Variants in CBR3 observed in about 807,000 individuals in gnomAD.
The protein encoded by CBR3 is carbonyl reductase [NADPH] 3.
A neutral mutation model predicts 11.6 loss-of-function variants in CBR3; 14 were observed. The ratio of observed to expected loss-of-function variants is 1.20; its 90% confidence interval spans 0.79 to 1.88. The LOEUF is 1.88. Among genes scored for constraint, CBR3 ranks in the 40% most tolerant of loss-of-function variants. The pLI is 0.00. For synonymous variants in CBR3, 125 were observed against 145.6 expected (o/e 0.86, Z 1.02); for missense variants, 308 against 357.3 (o/e 0.86, Z 1.11).
chr21:36,139,881 CTTTTT>C (rs10689993), intron 2 of CBR3, among the ~76,000 whole-genome samples: 15 of 89,866 alleles, frequency 1.7e-4, no homozygotes, highest in Admixed American at 1.6e-4. Context: ...GATGCAAAAC[CTTTTT>C]TTTTTTTTTT....
At position 36,146,229 on chromosome 21, in the gene CBR3, A is replaced by G. The variant is rs1375700223; in HGVS notation, c.551A>G (p.His184Arg). 2 of 1,614,192 alleles carry G rather than the reference A, an allele frequency of 1.2e-6. No homozygotes were observed. Among genetic ancestry groups the G allele is most frequent in the East Asian group, 4.5e-5 (2 of 44,880 alleles). The change falls in exon 3 of 3, where the codon CAT (histidine) becomes CGT (arginine). Residue 184 changes from histidine to arginine, a missense_variant. By Grantham distance (29) the His-to-Arg change is conservative. Coordinates refer to ENST00000290354, the MANE Select transcript of CBR3 (RefSeq NM_001236.4). ...KFVEDTKNEV[H>R]EREGWPNSPY... ...GTGGAGGACACAAAAAATGAGGTGC[A>G]TGAGAGGGAAGGCTGGCCCAACTCA...
chr21:36,138,080 G>C, intron 2 of CBR3, 148 bp downstream of exon 2: 2 of 614,644 alleles, frequency 3.3e-6, no homozygotes, highest in Admixed American at 5.7e-5. Flanking sequence ...TTTTCCCACA[G>C]TGTTTGGCTT....
intron 2 of CBR3, among the ~76,000 whole-genome samples, chr21:36,143,169 G>A (rs2065726921): frequency 6.6e-6 from 1 of 152,016 alleles, no homozygotes; most frequent in South Asian, 2.1e-4. Flanking sequence ...GCTGGGCATG[G>A]TGGCGCACAC....
chr21:36,142,436 A>AAAAACAAAAAAAAAC lies in CBR3; in HGVS notation c.398-3636_398-3635insCAAAAAAAAACAAAA, dbSNP rs71311085. 1.7e-5 allele frequency among the ~76,000 whole-genome samples: 2 copies of AAAAACAAAAAAAAAC among 119,628 alleles called. 1 individual carries two copies. The highest frequency in any genetic ancestry group is 5.6e-4 in the East Asian group (2 of 3,598). 78.5% of individuals were successfully genotyped at this position (119,628 alleles called of 152,430 possible). On this transcript the variant is annotated intron_variant, in intron 2 of 2. Transcript: ENST00000290354. ...GACAGAGCGAGACTCCATCTCAAAA[A>AAAAACAAAAAAAAAC]AAAAAAAAAAAACGCAATCCATGAT...
At chr21:36,139,382 C>CTTTTTTTTT in intron 2 of CBR3, among the ~76,000 whole-genome samples, 1 of 126,682 alleles carries the variant, frequency 7.9e-6, no homozygotes, top group Non-Finnish European at 1.6e-5. Flanking sequence ...CTTGCTTTTT[C>CTTTTTTTTT]TTTTTTTTTT....
intron 2 of CBR3, among the ~76,000 whole-genome samples, chr21:36,140,771 G>T (rs979396335): frequency 6.6e-6 from 1 of 152,036 alleles, no homozygotes; most frequent in Non-Finnish European, 1.5e-5. Flanking sequence ...ACTTTGGGAG[G>T]CCAAGGCAGG....
intron 2 of CBR3, among the ~76,000 whole-genome samples, chr21:36,144,226 G>T (rs1046170637): frequency 6.6e-6 from 1 of 152,176 alleles, no homozygotes; most frequent in Admixed American, 6.6e-5. Flanking sequence ...GGAGGCCAAA[G>T]CGGGCGGATC....
rs139015776 is a variant in CBR3, at chr21:36,146,081, G to T, written c.403G>T (p.Val135Leu). The T allele has an allele frequency of 1.2e-5, 19 of 1,606,792 alleles. No individual in the cohort carries two copies. The highest frequency in any genetic ancestry group is 1.7e-5 in the Admixed American group (1 of 59,846). The change falls in exon 3 of 3, where the codon GTG becomes TTG. Residue 135 changes from valine to leucine, a missense_variant. By Grantham distance (32) the Val-to-Leu change is conservative (BLOSUM62 1). Transcript: ENST00000290354. ...TATTTATCATTCTGTTTCAGGGAGA[G>T]TGGTGAATATCAGTAGTTTGCAGTG... ...LLPIMKPHGR[V>L]VNISSLQCLR... is the part of the protein sequence containing the mutation.
In CBR3 at chr21:36,146,101, G is replaced by A. The variant is rs775625890; in HGVS notation, c.423G>A (p.Leu141=). The A allele has an allele frequency of 6.2e-7, 1 of 1,612,946 alleles. No homozygotes were observed. Among genetic ancestry groups the A allele is most frequent in the Non-Finnish European group, 8.5e-7 (1 of 1,179,200 alleles). Residue 141 remains leucine (L), a synonymous_variant, in exon 3 of 3, where the codon TTG becomes TTA. Transcript: ENST00000290354. The part of the protein sequence containing the change: ...PHGRVVNISS[L]QCLRAFENCS... Reference sequence around the variant, plus strand: ...GGAGAGTGGTGAATATCAGTAGTTTGCAGTGTTTAAGGGCTTTTGAAAACT... The same window carrying A: ...GGAGAGTGGTGAATATCAGTAGTTTACAGTGTTTAAGGGCTTTTGAAAACT...
At chr21:36,141,007 CAAAAAAAAAAA>C (rs1217520274) in intron 2 of CBR3, among the ~76,000 whole-genome samples, 2 of 56,226 alleles carry the variant, frequency 3.6e-5, no homozygotes, top group East Asian at 4.7e-4. Flanking sequence ...CACTCCATCT[CAAAAAAAAAAA>C]AAAAAAAAGA....
At position 36,135,140 on chromosome 21, in the gene CBR3, G is replaced by A; in HGVS notation, c.-53G>A. 2 of 1,409,292 alleles carry A rather than the reference G, an allele frequency of 1.4e-6. No individual in the cohort carries two copies. The highest frequency in any genetic ancestry group is 3.1e-5 in the Admixed American group (1 of 31,988). The allele number at this position is 1,409,292 out of a possible 1,614,324, so 87.3% of individuals were successfully genotyped here. A position where few individuals can be genotyped will look rare whatever the true frequency, so the allele number is the denominator to read the frequency against. On this transcript the variant is annotated 5_prime_UTR_variant, in exon 1 of 3. Coordinates refer to ENST00000290354, the MANE Select transcript of CBR3 (RefSeq NM_001236.4). The stretch of plus-strand genomic sequence containing the variant: ...GGCTCCTCGGGGCGCGCCCCAGGTG[G>A]TCCGAAGCCCGGTCCGCCCTCCACG...
intron 2 of CBR3, 89 bp downstream of exon 2, chr21:36,138,021 AC>A (rs2123339248): frequency 1.4e-6 from 1 of 717,352 alleles, no homozygotes; most frequent in East Asian, 2.5e-5. Flanking sequence ...TGCAGAAATC[AC>A]TCAGGGGTGC....
Position 36,141,856 on chromosome 21 carries a change from C to T in CBR3, c.397+3924C>T, listed in dbSNP as rs181555498. On this transcript the variant is annotated intron_variant, in intron 2 of 2. Coordinates refer to ENST00000290354, the MANE Select transcript of CBR3 (RefSeq NM_001236.4). ...CTCCCCTTAAGAGGATTTATTTCCTCGAAGGCACAGCTTCTATGATCTGTG... is the reference window on the plus strand; with the variant it reads ...CTCCCCTTAAGAGGATTTATTTCCTTGAAGGCACAGCTTCTATGATCTGTG... The T allele has an allele frequency of 5.7e-6, 5 of 884,564 alleles. No individual in the cohort carries two copies. In the African/African-American group the frequency reaches 7.2e-5, roughly 13 times the overall value. The allele number at this position is 884,564 out of a possible 1,614,324, so 54.8% of individuals were successfully genotyped here. A position where few individuals can be genotyped will look rare whatever the true frequency, so the allele number is the denominator to read the frequency against.
At chr21:36,138,136 T>TAG (rs61578443) in intron 2 of CBR3, among the ~76,000 whole-genome samples, 318 of 149,968 alleles carry the variant, frequency 2.1e-3, no homozygotes, top group African/African-American at 5.9e-3. Context: ...TAGTTTAGTT[T>TAG]TGTTTTGTTT....
rs1568977261 is a variant in CBR3 at position 36,135,363 on chromosome 21, G to A, written c.171G>A (p.Pro57=). The change falls in exon 1 of 3, where the codon CCG becomes CCA. Residue 57 remains proline, a synonymous_variant. Transcript: ENST00000290354. ...VQQLQAEGLS[P]RFHQLDIDDL... is the part of the protein sequence containing the mutation. ...AGCTGCAGGCGGAGGGCCTGAGCCCGCGCTTCCACCAACTGGACATCGACG... is the reference window on the plus strand; with the variant it reads ...AGCTGCAGGCGGAGGGCCTGAGCCCACGCTTCCACCAACTGGACATCGACG... 6.2e-7 allele frequency: 1 copy of A among 1,612,930 alleles called. No individual in the cohort carries two copies. Among genetic ancestry groups the A allele is most frequent in the Admixed American group, 1.7e-5 (1 of 60,018 alleles).
chr21:36,136,885 G>A (rs2845746), intron 1 of CBR3, among the ~76,000 whole-genome samples: 1 of 152,002 alleles, frequency 6.6e-6, no homozygotes, highest in Non-Finnish European at 1.5e-5. Context: ...AAAATTAGCT[G>A]GGCATGGTGG....
At chr21:36,139,941 G>A (rs777059552) in intron 2 of CBR3, among the ~76,000 whole-genome samples, 6 of 140,486 alleles carry the variant, frequency 4.3e-5, no homozygotes, top group Non-Finnish European at 6.0e-5. Flanking sequence ...AGACTGGAGT[G>A]CAGTGGCATG....
intron 2 of CBR3, 84 bp from the exon 3 acceptor site, chr21:36,145,992 G>C: frequency 7.2e-6 from 5 of 697,074 alleles, no homozygotes; most frequent in Non-Finnish European, 9.5e-6. Flanking sequence ...CCTGCACCAA[G>C]ACTCAATCAT....
intron 2 of CBR3, among the ~76,000 whole-genome samples, chr21:36,142,436 A>AAAAAAAAAAAAAAC (rs71196989): frequency 0.28 from 33,735 of 118,916 alleles, 7,432 homozygotes; most frequent in Non-Finnish European, 0.4. Context: ...CATCTCAAAA[A>AAAAAAAAAAAAAAC]AAAAAAAAAA....
Sources: gnomAD v4.1 joint callset for allele counts (sites outside exome capture counted in the v4.1 genomes callset) on GRCh38, gnomAD v4.1.1 for gene constraint, MANE v1.5 for transcripts, NCBI Gene and HGNC (gene_info 2026-07-23, HGNC 2026-07-21) for gene names.